ZC3H12B: variants seen among roughly 807,000 people sequenced by gnomAD.
ZC3H12B encodes probable ribonuclease ZC3H12B.
ZC3H12B carries 7 observed loss-of-function variants against 43.9 expected under a neutral mutation model. That is an observed-to-expected ratio of 0.16 (90% CI 0.09 to 0.30). ZC3H12B has a LOEUF of 0.30. ZC3H12B is among the 10% of genes least tolerant of loss of function. The pLI, the probability that ZC3H12B is intolerant of heterozygous loss-of-function variation, is 1.00. For missense variants in ZC3H12B, 475 were observed against 670.2 expected (o/e 0.71, Z 3.22); for synonymous variants, 222 against 241.7 (o/e 0.92, Z 0.76).
chrX:65,173,710 G>T, the ZC3H12B span, among the ~76,000 whole-genome samples: 1 of 111,847 alleles, frequency 8.9e-6, no homozygotes. Context: ...TTCTGTTTTT[G>T]TGATCAATTA....
the ZC3H12B span, among the ~76,000 whole-genome samples, chrX:65,225,593 T>G: frequency 9.0e-6 from 1 of 111,180 alleles, no homozygotes; most frequent in East Asian, 2.8e-4. Context: ...CAGAAGGAAA[T>G]TCAAACCAAA....
chrX:65,456,611 G>GTT (rs747531648), intron 3 of ZC3H12B, among the ~76,000 whole-genome samples: 2 of 98,787 alleles, frequency 2.0e-5, no homozygotes, highest in South Asian at 4.7e-4. Context: ...ACTGGTTTTC[G>GTT]TTTTTTTTTT....
chrX:65,379,750 C>A (rs538378558), intron 2 of ZC3H12B, among the ~76,000 whole-genome samples: 465 of 111,657 alleles, frequency 4.2e-3, no homozygotes, highest in Non-Finnish European at 5.8e-3. Flanking sequence ...ACCAATACAG[C>A]GAAGTGCTTA....
At chrX:65,336,927 G>A in the ZC3H12B span, among the ~76,000 whole-genome samples, 1 of 112,112 alleles carries the variant, frequency 8.9e-6, no homozygotes, top group Non-Finnish European at 1.9e-5. Flanking sequence ...AAAAAGAATA[G>A]GAGTTAACAT....
At chrX:65,329,833 A>G in the ZC3H12B span, among the ~76,000 whole-genome samples, 2 of 111,014 alleles carry the variant, frequency 1.8e-5, no homozygotes, top group South Asian at 7.5e-4. Flanking sequence ...TGTTTTTGTC[A>G]GGTTTGTCAA....
chrX:65,245,369 A>G, the ZC3H12B span, among the ~76,000 whole-genome samples: 5 of 111,807 alleles, frequency 4.5e-5, no homozygotes, highest in Non-Finnish European at 9.4e-5. Context: ...TGATACCAAA[A>G]TCTGGCAGAG....
chrX:65,372,900 G>A (rs1436051752), intron 2 of ZC3H12B, among the ~76,000 whole-genome samples: 6 of 112,060 alleles, frequency 5.4e-5, no homozygotes, highest in African/African-American at 1.6e-4. Context: ...AGAAAAAATA[G>A]CATGTCAGTA....
the ZC3H12B span, among the ~76,000 whole-genome samples, chrX:65,100,594 A>AAC: frequency 9.7e-6 from 1 of 103,094 alleles, no homozygotes; most frequent in Non-Finnish European, 2.0e-5. Flanking sequence ...AAAAAAAAAA[A>AAC]CAGGGGTTAC....
At chrX:65,069,942 A>G in the ZC3H12B span, among the ~76,000 whole-genome samples, 6 of 111,096 alleles carry the variant, frequency 5.4e-5, no homozygotes, top group Admixed American at 5.7e-4. Flanking sequence ...TTTGGCATCA[A>G]GATGATGCTG....
the ZC3H12B span, among the ~76,000 whole-genome samples, chrX:65,235,303 T>C: frequency 8.9e-6 from 1 of 112,191 alleles, no homozygotes; most frequent in Non-Finnish European, 1.9e-5. Flanking sequence ...TAATTTACAC[T>C]CCAACCAACA....
chrX:65,458,335 A>C (rs1468705955), intron 3 of ZC3H12B, among the ~76,000 whole-genome samples: 1 of 111,104 alleles, frequency 9.0e-6, no homozygotes, highest in East Asian at 2.8e-4. Context: ...CCAGGAATTG[A>C]ACTCAGCTCT....
the ZC3H12B span, among the ~76,000 whole-genome samples, chrX:65,171,111 G>C: frequency 9.0e-6 from 1 of 111,513 alleles, no homozygotes; most frequent in Non-Finnish European, 1.9e-5. Context: ...TGGAGGAGAA[G>C]AGGCACTCTG....
At chrX:65,188,921 T>C in the ZC3H12B span, among the ~76,000 whole-genome samples, 263 of 102,878 alleles carry the variant, frequency 2.6e-3, no homozygotes, top group Middle Eastern at 4.8e-3. Context: ...ACATTAGGTA[T>C]ATCTCCCAAT....
the ZC3H12B span, among the ~76,000 whole-genome samples, chrX:65,168,169 G>A: frequency 3.6e-5 from 4 of 111,195 alleles, no homozygotes; most frequent in Admixed American, 9.6e-5. Flanking sequence ...ATTGGCTGTG[G>A]GTCTGTCATA....
At chrX:65,048,478 A>T in the ZC3H12B span, among the ~76,000 whole-genome samples, 3 of 111,421 alleles carry the variant, frequency 2.7e-5, no homozygotes, top group Non-Finnish European at 5.7e-5. Context: ...TAATTTTCTG[A>T]GGAACCTCCA....
the ZC3H12B span, among the ~76,000 whole-genome samples, chrX:65,191,915 C>T: frequency 2.9e-5 from 3 of 102,901 alleles, no homozygotes; most frequent in Admixed American, 1.1e-4. Context: ...TTGGATCTTT[C>T]CTGCTTTCTC....
the ZC3H12B span, among the ~76,000 whole-genome samples, chrX:65,143,872 A>T: frequency 1.3e-4 from 14 of 110,663 alleles, no homozygotes; most frequent in Admixed American, 9.7e-5. Flanking sequence ...CCTGGCCTTG[A>T]GTTACCTGTT....
intron 3 of ZC3H12B, among the ~76,000 whole-genome samples, chrX:65,411,053 A>G (rs2066897816): frequency 8.9e-6 from 1 of 112,477 alleles, no homozygotes; most frequent in South Asian, 3.7e-4. Flanking sequence ...TTTGGAAGCA[A>G]CCTAAGTATC....
At chrX:65,272,081 G>A in the ZC3H12B span, among the ~76,000 whole-genome samples, 1 of 109,658 alleles carries the variant, frequency 9.1e-6, no homozygotes, top group Non-Finnish European at 1.9e-5. Flanking sequence ...GGGCATGGTG[G>A]CGGGTGCCTG....
Sources: allele counts gnomAD v4.1 joint callset (sites outside exome capture counted in the v4.1 genomes callset), GRCh38; gene constraint gnomAD v4.1.1; transcripts MANE v1.5; gene names NCBI Gene and HGNC (gene_info 2026-07-23, HGNC 2026-07-21).